The following NXPH1 variants were observed in gnomAD, a reference collection of about 807,000 sequenced individuals.
The protein encoded by NXPH1 is neurexophilin-1.
Under a neutral mutation model 23.7 loss-of-function variants are expected in NXPH1, and 5 were observed. The observed-to-expected ratio is 0.21, with a 90% CI of 0.11 to 0.44. The LOEUF (loss-of-function observed/expected upper bound fraction) is 0.44, where lower values mean the gene tolerates loss of function less well. NXPH1 is among the 20% of genes least tolerant of loss of function. The probability of loss-of-function intolerance (pLI) is 0.99; values close to 1 mark genes in which losing one functional copy is unlikely to be tolerated. For missense variants in NXPH1, 324 were observed against 321.6 expected (o/e 1.01, Z -0.06); for synonymous variants, 144 against 122.2 (o/e 1.18, Z -1.18).
chr7:8,554,033 G>C (rs923862689), intron 2 of NXPH1, among the ~76,000 whole-genome samples: 2 of 151,630 alleles, frequency 1.3e-5, no homozygotes, highest in African/African-American at 4.8e-5. Flanking sequence ...AGTGGCTGAA[G>C]TGTGGTTTTA....
chr7:8,655,060 C>T (rs960998745), intron 2 of NXPH1, among the ~76,000 whole-genome samples: 1 of 151,932 alleles, frequency 6.6e-6, no homozygotes, highest in Non-Finnish European at 1.5e-5. Context: ...TTTTCTTTTT[C>T]CTAGAAATTG....
chr7:8,673,463 A>G (rs1285145329), intron 2 of NXPH1, among the ~76,000 whole-genome samples: 1 of 152,172 alleles, frequency 6.6e-6, no homozygotes, highest in Non-Finnish European at 1.5e-5. Flanking sequence ...TCAAATCTGT[A>G]TGTTTGTTGG....
chr7:8,562,510 T>A (rs1818463555), intron 2 of NXPH1, among the ~76,000 whole-genome samples: 1 of 149,606 alleles, frequency 6.7e-6, no homozygotes, highest in African/African-American at 2.5e-5. Flanking sequence ...GATAATGAAA[T>A]GAGTTTTTTT....
At chr7:8,454,483 C>A (rs1257099541) in intron 2 of NXPH1, among the ~76,000 whole-genome samples, 2 of 152,078 alleles carry the variant, frequency 1.3e-5, no homozygotes, top group Non-Finnish European at 1.5e-5. Flanking sequence ...TTTTACCAAG[C>A]CCTTTGTTCA....
intron 2 of NXPH1, among the ~76,000 whole-genome samples, chr7:8,624,544 AAGC>A (rs1218415539): frequency 6.6e-6 from 1 of 152,132 alleles, no homozygotes; most frequent in Non-Finnish European, 1.5e-5. Context: ...AAAGCAGACA[AAGC>A]AGGCCAAACC....
At chr7:8,632,261 T>C (rs1389810901) in intron 2 of NXPH1, among the ~76,000 whole-genome samples, 1 of 152,196 alleles carries the variant, frequency 6.6e-6, no homozygotes, top group Admixed American at 6.6e-5. Context: ...CAACTAATTT[T>C]AGCTTGAAGC....
chr7:8,592,140 G>A (rs1466673531), intron 2 of NXPH1, among the ~76,000 whole-genome samples: 5 of 151,964 alleles, frequency 3.3e-5, no homozygotes, highest in Non-Finnish European at 5.9e-5. Context: ...TTAGGATGAA[G>A]TGATTGAGGA....
At chr7:8,711,023 C>T (rs1240351374) in intron 2 of NXPH1, among the ~76,000 whole-genome samples, 1 of 152,196 alleles carries the variant, frequency 6.6e-6, no homozygotes, top group African/African-American at 2.4e-5. Context: ...TTATTTCCTA[C>T]ATCTTTCTGC....
At chr7:8,734,075 T>A (rs186508299) in intron 2 of NXPH1, among the ~76,000 whole-genome samples, 2,203 of 152,322 alleles carry the variant, frequency 0.014, 23 homozygotes, top group Non-Finnish European at 0.021. Context: ...GGGGTCCAGT[T>A]TCTGTTTTCT....
At chr7:8,731,916 A>G (rs1424955739) in intron 2 of NXPH1, among the ~76,000 whole-genome samples, 1 of 152,200 alleles carries the variant, frequency 6.6e-6, no homozygotes, top group African/African-American at 2.4e-5. Flanking sequence ...AAGCCTGGGC[A>G]ATGGCGGGCG....
At chr7:8,714,178 C>T (rs545163168) in intron 2 of NXPH1, among the ~76,000 whole-genome samples, 1 of 152,250 alleles carries the variant, frequency 6.6e-6, no homozygotes, top group East Asian at 1.9e-4. Context: ...CTTCCCTTCC[C>T]TTTCTCCTGG....
At chr7:8,555,879 G>C (rs1041118354) in intron 2 of NXPH1, among the ~76,000 whole-genome samples, 2 of 151,652 alleles carry the variant, frequency 1.3e-5, no homozygotes, top group Admixed American at 1.3e-4. Flanking sequence ...TCATATCTAA[G>C]CTTCTCCTGT....
intron 2 of NXPH1, among the ~76,000 whole-genome samples, chr7:8,537,153 C>A (rs1333127389): frequency 6.6e-6 from 1 of 151,946 alleles, no homozygotes; most frequent in Non-Finnish European, 1.5e-5. Context: ...TGGAGTCTCT[C>A]AATTACCTGG....
chr7:8,660,765 G>A (rs557549507), intron 2 of NXPH1, among the ~76,000 whole-genome samples: 17 of 152,198 alleles, frequency 1.1e-4, no homozygotes, highest in African/African-American at 4.1e-4. Context: ...TCCAATAATA[G>A]ATATGTTAAT....
In NXPH1 at chr7:8,442,730, C is replaced by T. The variant is rs1404026474; in HGVS notation, c.54+6963C>T. Among the ~76,000 whole-genome samples, 1 of 152,202 alleles carries T rather than the reference C, an allele frequency of 6.6e-6. No individual in the cohort carries two copies. Among genetic ancestry groups the T allele is most frequent in the Admixed American group, 6.5e-5 (1 of 15,290 alleles). ...GCGCGCTTTATTGTCTGCTTTCAGT[C>T]GCAGGTGACCTCGAGCGATCTCGAC... is the stretch of plus-strand genomic sequence containing the variant. On this transcript the variant is annotated intron_variant, in intron 2 of 2. Transcript: ENST00000405863. This position sits in a 1 kb window ranked among gnomAD's most constrained non-coding sequence, Gnocchi z 4.6.
chr7:8,735,832 A>C (rs1780244042), intron 2 of NXPH1, among the ~76,000 whole-genome samples: 1 of 152,118 alleles, frequency 6.6e-6, no homozygotes. Context: ...TGGTCTATTC[A>C]GGGATTCAAT....
intron 2 of NXPH1, among the ~76,000 whole-genome samples, chr7:8,541,738 A>G (rs991136873): frequency 1.5e-4 from 22 of 151,682 alleles, no homozygotes; most frequent in African/African-American, 5.3e-4. Context: ...AAGGGGGAAA[A>G]TGGAAGTATA....
chr7:8,534,160 A>G (rs1186574624), intron 2 of NXPH1, among the ~76,000 whole-genome samples: 1 of 152,114 alleles, frequency 6.6e-6, no homozygotes, highest in East Asian at 1.9e-4. Flanking sequence ...TTTCTCTACC[A>G]TTCATGTATT....
intron 2 of NXPH1, among the ~76,000 whole-genome samples, chr7:8,654,987 G>C (rs533945923): frequency 1.3e-5 from 2 of 152,242 alleles, no homozygotes; most frequent in African/African-American, 4.8e-5. Context: ...AAATTATCCA[G>C]ATTGCTTATT....
Sources: gnomAD v4.1 joint callset for allele counts (sites outside exome capture counted in the v4.1 genomes callset) on GRCh38, gnomAD v4.1.1 for gene constraint, Gnocchi (gnomAD v3.1) non-coding constraint, MANE v1.5 for transcripts, NCBI Gene and HGNC (gene_info 2026-07-23, HGNC 2026-07-21) for gene names.